ARHGAP15: variants seen among roughly 807,000 people sequenced by gnomAD.
The protein encoded by ARHGAP15 is rho GTPase-activating protein 15.
In ARHGAP15, 51 loss-of-function variants were observed where a neutral mutation model predicts 63.7. That is an observed-to-expected ratio of 0.80 (90% CI 0.64 to 1.01). The LOEUF is 1.01. Among genes scored for constraint, ARHGAP15 ranks in the 50% least tolerant of loss-of-function variants. ARHGAP15 has a pLI of 0.00. For synonymous variants in ARHGAP15, 191 were observed against 193.8 expected (o/e 0.99, Z 0.12); for missense variants, 560 against 564.6 (o/e 0.99, Z 0.08).
chr2:143,149,046 C>T (rs145340918), intron 1 of ARHGAP15, among the ~76,000 whole-genome samples: 2 of 152,104 alleles, frequency 1.3e-5, no homozygotes, highest in Non-Finnish European at 1.5e-5. Flanking sequence ...CACAGGGGAA[C>T]AGACTTGTTC....
chr2:143,580,998 GATC>G (rs1394959721), intron 11 of ARHGAP15, among the ~76,000 whole-genome samples: 1 of 152,100 alleles, frequency 6.6e-6, no homozygotes, highest in Non-Finnish European at 1.5e-5. Flanking sequence ...AGTATCTTGT[GATC>G]ATCACAATAA....
At chr2:143,677,450 C>T (rs1517911) in intron 12 of ARHGAP15, among the ~76,000 whole-genome samples, 132,452 of 152,146 alleles carry the variant, frequency 0.87, 60,322 homozygotes, top group East Asian at 1. Flanking sequence ...CAAGTACCCA[C>T]AGAAATTTGT....
intron 6 of ARHGAP15, among the ~76,000 whole-genome samples, chr2:143,347,972 G>A (rs1685369612): frequency 6.6e-6 from 1 of 152,080 alleles, no homozygotes; most frequent in African/African-American, 2.4e-5. Context: ...AGCCCAGTTT[G>A]TTACCCTAAT....
chr2:143,475,253 T>A (rs1558996653), intron 8 of ARHGAP15, among the ~76,000 whole-genome samples: 1 of 152,224 alleles, frequency 6.6e-6, no homozygotes, highest in Non-Finnish European at 1.5e-5. Context: ...AGCTGCAAAC[T>A]GCAGCTGTCT....
At chr2:143,289,497 G>A (rs531809296) in intron 6 of ARHGAP15, among the ~76,000 whole-genome samples, 2 of 152,238 alleles carry the variant, frequency 1.3e-5, no homozygotes, top group Admixed American at 6.5e-5. Flanking sequence ...TTGTCTGTTC[G>A]ATGAATTTCA....
chr2:143,192,101 C>T (rs998434962), intron 2 of ARHGAP15, among the ~76,000 whole-genome samples: 2 of 152,212 alleles, frequency 1.3e-5, no homozygotes, highest in East Asian at 1.9e-4. Context: ...GATATTTCTA[C>T]ACTTTAGTGG....
chr2:143,490,246 G>A (rs1279949661), intron 9 of ARHGAP15, among the ~76,000 whole-genome samples: 2 of 152,098 alleles, frequency 1.3e-5, no homozygotes, highest in African/African-American at 4.8e-5. Flanking sequence ...TGATCCACCC[G>A]CCTCAGCCTC....
At chr2:143,411,093 T>A (rs1216360888) in intron 6 of ARHGAP15, among the ~76,000 whole-genome samples, 1 of 152,014 alleles carries the variant, frequency 6.6e-6, no homozygotes, top group Non-Finnish European at 1.5e-5. Context: ...TGATCCCAGC[T>A]ACTCGGGAGA....
At chr2:143,606,056 A>AC (rs1559076848) in intron 11 of ARHGAP15, among the ~76,000 whole-genome samples, 1 of 135,580 alleles carries the variant, frequency 7.4e-6, no homozygotes, top group African/African-American at 2.8e-5. Context: ...AAAAAAAAAA[A>AC]AAAAAAAAAA....
At chr2:143,536,771 C>T (rs1396427717) in intron 10 of ARHGAP15, among the ~76,000 whole-genome samples, 1 of 151,422 alleles carries the variant, frequency 6.6e-6, no homozygotes, top group Non-Finnish European at 1.5e-5. Context: ...TCCAGTCTAT[C>T]ATTGTTGGAC....
intron 2 of ARHGAP15, among the ~76,000 whole-genome samples, chr2:143,189,527 C>G (rs1353361588): frequency 1.4e-5 from 2 of 141,588 alleles, no homozygotes. Context: ...GGGAGACAGT[C>G]TCATTCCTCA....
intron 2 of ARHGAP15, among the ~76,000 whole-genome samples, chr2:143,175,705 G>A (rs1275729626): frequency 6.6e-6 from 1 of 152,128 alleles, no homozygotes; most frequent in Non-Finnish European, 1.5e-5. Context: ...CTCTTTTAAA[G>A]TTGCTTCCTT....
intron 9 of ARHGAP15, among the ~76,000 whole-genome samples, chr2:143,498,147 T>C (rs1450357657): frequency 2.0e-5 from 3 of 152,192 alleles, no homozygotes; most frequent in African/African-American, 7.2e-5. Flanking sequence ...CAACATTTCA[T>C]AAATTTCTAA....
At chr2:143,374,988 G>T (rs1443557570) in intron 6 of ARHGAP15, among the ~76,000 whole-genome samples, 1 of 152,114 alleles carries the variant, frequency 6.6e-6, no homozygotes, top group East Asian at 1.9e-4. Context: ...CACTATGAGG[G>T]TGAATCAACA....
At chr2:143,536,843 T>G (rs1421386468) in intron 10 of ARHGAP15, among the ~76,000 whole-genome samples, 1 of 152,052 alleles carries the variant, frequency 6.6e-6, no homozygotes, top group African/African-American at 2.4e-5. Context: ...TACGTGTGCA[T>G]GTGTCTTTAT....
intron 11 of ARHGAP15, among the ~76,000 whole-genome samples, chr2:143,567,150 C>T (rs1220606769): frequency 6.6e-6 from 1 of 152,168 alleles, no homozygotes; most frequent in East Asian, 1.9e-4. Flanking sequence ...GCTGGCATTA[C>T]AGGGGTGAGC....
At chr2:143,437,344 T>C (rs766107261) in intron 8 of ARHGAP15, 2 of 274,186 alleles carry the variant, frequency 7.3e-6, no homozygotes, top group Non-Finnish European at 1.4e-5. Context: ...GAGTGGGAAA[T>C]GTCAAGCATC....
chr2:143,579,252 T>C (rs962061706), intron 11 of ARHGAP15, among the ~76,000 whole-genome samples: 5 of 152,296 alleles, frequency 3.3e-5, no homozygotes, highest in Middle Eastern at 3.4e-3. Context: ...CATCGACTTC[T>C]CAGGATGGTT....
At chr2:143,138,495 C>T (rs1689234848) in intron 1 of ARHGAP15, among the ~76,000 whole-genome samples, 1 of 152,116 alleles carries the variant, frequency 6.6e-6, no homozygotes, top group Non-Finnish European at 1.5e-5. Flanking sequence ...ATGTCTAAAG[C>T]AATGCCATCT....
Sources: allele counts gnomAD v4.1 joint callset (sites outside exome capture counted in the v4.1 genomes callset), GRCh38; gene constraint gnomAD v4.1.1; transcripts MANE v1.5; gene names NCBI Gene and HGNC (gene_info 2026-07-23, HGNC 2026-07-21).